GRM5: variants seen among roughly 807,000 people sequenced by gnomAD.
GRM5 encodes the protein metabotropic glutamate receptor 5.
Under a neutral mutation model 83.1 loss-of-function variants are expected in GRM5, and 19 were observed. That is an observed-to-expected ratio of 0.23 (90% CI 0.16 to 0.34). GRM5 has a LOEUF of 0.34. GRM5 is among the 10% of genes least tolerant of loss of function. The pLI is 1.00. For missense variants in GRM5, 1,160 were observed against 1,588.3 expected (o/e 0.73, Z 4.58); for synonymous variants, 675 against 633.6 (o/e 1.07, Z -0.98).
At chr11:88,959,667 C>T (rs1938725693) in intron 2 of GRM5, among the ~76,000 whole-genome samples, 1 of 152,142 alleles carries the variant, frequency 6.6e-6, no homozygotes, top group Admixed American at 6.5e-5. Flanking sequence ...CTTCCCTGCT[C>T]CACATAACAG....
chr11:88,630,946 T>C (rs1171009524), intron 4 of GRM5, among the ~76,000 whole-genome samples: 1 of 152,186 alleles, frequency 6.6e-6, no homozygotes, highest in East Asian at 1.9e-4. Flanking sequence ...GATAGAAGGC[T>C]CTCCTGTCTT....
At chr11:88,632,782 C>A (rs1939012013) in intron 4 of GRM5, among the ~76,000 whole-genome samples, 1 of 152,192 alleles carries the variant, frequency 6.6e-6, no homozygotes, top group Admixed American at 6.5e-5. Flanking sequence ...ATGGTTATAG[C>A]ATTTTATATT....
intron 2 of GRM5, among the ~76,000 whole-genome samples, chr11:88,878,449 T>G (rs868723921): frequency 6.6e-6 from 1 of 152,226 alleles, no homozygotes; most frequent in Middle Eastern, 3.4e-3. Flanking sequence ...GCACACTCCT[T>G]GAGTACCACA....
At chr11:88,706,632 T>C in intron 3 of GRM5, among the ~76,000 whole-genome samples, 1 of 152,100 alleles carries the variant, frequency 6.6e-6, no homozygotes, top group East Asian at 1.9e-4. Context: ...CACCTTATTT[T>C]TAAAACTGCT....
chr11:88,669,461 G>T (rs1010914998), intron 3 of GRM5, among the ~76,000 whole-genome samples: 1 of 151,910 alleles, frequency 6.6e-6, no homozygotes, highest in African/African-American at 2.4e-5. Flanking sequence ...TTTATTGAAG[G>T]TTCTAGCAAG....
chr11:88,936,923 T>G (rs1937919695), intron 2 of GRM5, among the ~76,000 whole-genome samples: 1 of 151,774 alleles, frequency 6.6e-6, no homozygotes, highest in Non-Finnish European at 1.5e-5. Context: ...AATGGTATTT[T>G]AGGCTTAGCT....
intron 9 of GRM5, chr11:88,522,943 T>C (rs1941744448): frequency 6.6e-6 from 1 of 152,140 alleles, no homozygotes; most frequent in Admixed American, 6.5e-5. Context: ...CCTTTGTAGA[T>C]CTGGACCTGA....
intron 2 of GRM5, among the ~76,000 whole-genome samples, chr11:88,893,675 G>A (rs1945184332): frequency 1.3e-5 from 2 of 152,026 alleles, no homozygotes; most frequent in Non-Finnish European, 1.5e-5. Flanking sequence ...ATGACTGACA[G>A]CAATTAAACT....
chr11:88,930,060 A>G (rs1937653881), intron 2 of GRM5, among the ~76,000 whole-genome samples: 1 of 152,126 alleles, frequency 6.6e-6, no homozygotes, highest in African/African-American at 2.4e-5. Flanking sequence ...CTCAAGCTCA[A>G]AGAAAATAAG....
At chr11:88,877,981 T>C (rs1944888260) in intron 2 of GRM5, among the ~76,000 whole-genome samples, 1 of 152,048 alleles carries the variant, frequency 6.6e-6, no homozygotes, top group African/African-American at 2.4e-5. Context: ...ATTGTGCTCA[T>C]GTACCCTAAA....
chr11:89,005,423 A>G (rs1257340121), intron 2 of GRM5, among the ~76,000 whole-genome samples: 3 of 152,196 alleles, frequency 2.0e-5, no homozygotes, highest in Admixed American at 6.5e-5. Flanking sequence ...TTGTCAAGCT[A>G]GGGTCAGGAA....
At chr11:88,583,082 T>C (rs950481000) in intron 7 of GRM5, among the ~76,000 whole-genome samples, 1 of 151,888 alleles carries the variant, frequency 6.6e-6, no homozygotes, top group Non-Finnish European at 1.5e-5. Context: ...ATCTTCCCCA[T>C]GTTTTTATTT....
intron 6 of GRM5, among the ~76,000 whole-genome samples, chr11:88,595,472 C>G (rs1364799420): frequency 6.6e-6 from 1 of 152,060 alleles, no homozygotes; most frequent in Non-Finnish European, 1.5e-5. Context: ...CATTTTTTAT[C>G]TTGCACATAT....
At chr11:89,058,634 C>T (rs1941925197) in intron 1 of GRM5, among the ~76,000 whole-genome samples, 1 of 152,114 alleles carries the variant, frequency 6.6e-6, no homozygotes, top group African/African-American at 2.4e-5. Context: ...AATGTTTATG[C>T]AGTTATTTGT....
chr11:88,599,240 A>G (rs57642978), intron 5 of GRM5, among the ~76,000 whole-genome samples: 3,628 of 152,358 alleles, frequency 0.024, 136 homozygotes, highest in African/African-American at 0.081. Context: ...TGAAAACTCT[A>G]TAGATTGGAA....
Position 88,617,208 on chromosome 11 carries a change from A to T in GRM5, c.1148-12244T>A, listed in dbSNP as rs557801698. Among the ~76,000 whole-genome samples the T allele has an allele frequency of 2.6e-5, 4 of 152,336 alleles. No individual in the cohort carries two copies. The South Asian group carries it at 8.3e-4, about 32-fold the overall frequency. On this transcript the variant is annotated intron_variant, in intron 4 of 9. Transcript: ENST00000305447. ...TTAAGCAATCTTGTGTATTTTTACC[A>T]TCTAATAAAACTACATGGGAAAAAT...
chr11:88,590,288 T>C (rs2135207108), intron 7 of GRM5, among the ~76,000 whole-genome samples: 1 of 152,264 alleles, frequency 6.6e-6, no homozygotes, highest in Non-Finnish European at 1.5e-5. Flanking sequence ...TCACCTAAAA[T>C]GACACACATA....
At chr11:88,511,236 C>A (rs1377099196) in intron 9 of GRM5, among the ~76,000 whole-genome samples, 1 of 152,176 alleles carries the variant, frequency 6.6e-6, no homozygotes, top group Non-Finnish European at 1.5e-5. Flanking sequence ...CCATCACTCC[C>A]CTTGGGCCCC....
At chr11:88,822,799 C>T (rs1318163351) in intron 3 of GRM5, among the ~76,000 whole-genome samples, 1 of 151,916 alleles carries the variant, frequency 6.6e-6, no homozygotes, top group African/African-American at 2.4e-5. Context: ...CTCCTTCCCT[C>T]CCTTCCTCCT....
Sources: gnomAD v4.1 joint callset for allele counts (sites outside exome capture counted in the v4.1 genomes callset) on GRCh38, gnomAD v4.1.1 for gene constraint, MANE v1.5 for transcripts, NCBI Gene and HGNC (gene_info 2026-07-23, HGNC 2026-07-21) for gene names.